The following SLFN12L variants were observed in gnomAD, a reference collection of about 807,000 sequenced individuals.
SLFN12L encodes the protein schlafen family member 12-like.
A neutral mutation model predicts 34.8 loss-of-function variants in SLFN12L; 34 were observed. That is an observed-to-expected ratio of 0.98 (90% CI 0.74 to 1.30). The LOEUF (loss-of-function observed/expected upper bound fraction) is 1.30, where lower values mean the gene tolerates loss of function less well. Among genes scored for constraint, SLFN12L ranks in the 50% most tolerant of loss-of-function variants. The pLI, the probability that SLFN12L is intolerant of heterozygous loss-of-function variation, is 0.00. For missense variants in SLFN12L, 703 were observed against 696.2 expected (o/e 1.01, Z -0.11); for synonymous variants, 259 against 247.5 (o/e 1.05, Z -0.44).
At position 35,479,705 on chromosome 17, in the gene SLFN12L, T is replaced by C; in HGVS notation, c.577A>G (p.Lys193Glu). ...AALEFLKDMEKTGGRAYLRPE... is the reference protein window; with the variant it reads ...AALEFLKDMEETGGRAYLRPE... ...CTTAAATATGCTCTCCCTCCAGTTTTTTCCATGTCTTTGAGGAACTCCAGT... is the reference window on the plus strand; with the variant it reads ...CTTAAATATGCTCTCCCTCCAGTTTCTTCCATGTCTTTGAGGAACTCCAGT... Residue 193 changes from lysine to glutamate, a missense_variant, in exon 3 of 5, where the codon AAA (lysine) becomes GAA (glutamate). Coordinates refer to ENST00000628453, the MANE Select transcript of SLFN12L (RefSeq NM_001363830.2). 1 of 1,614,074 alleles carries C rather than the reference T, an allele frequency of 6.2e-7. No individual in the cohort carries two copies. Among genetic ancestry groups the C allele is most frequent in the Non-Finnish European group, 8.5e-7 (1 of 1,179,958 alleles).
chr17:35,484,698 C>G (rs1162983289), intron 2 of SLFN12L, among the ~76,000 whole-genome samples: 1 of 152,204 alleles, frequency 6.6e-6, no homozygotes, highest in Non-Finnish European at 1.5e-5. Flanking sequence ...AAGTGCATTG[C>G]TCTCACTATC....
rs1226751965 is a variant in SLFN12L, at chr17:35,474,996, T to C, written c.1766A>G (p.Gln589Arg). ...AAACAAACAAACAAACAAAAAGATT[T>C]GATTCTCCTTAGGTAAGATATTTGA... is the stretch of plus-strand genomic sequence containing the variant. ...ALSNILPKEN[Q>R]IFLFVCLFRF... The change falls in exon 5 of 5, where the codon CAA becomes CGA. Residue 589 changes from glutamine to arginine, a missense_variant. Coordinates refer to ENST00000628453, the MANE Select transcript of SLFN12L (RefSeq NM_001363830.2). The C allele has an allele frequency of 1.9e-6, 3 of 1,569,630 alleles. No individual in the cohort carries two copies. Among genetic ancestry groups the C allele is most frequent in the South Asian group, 2.3e-5 (2 of 86,968 alleles).
chr17:35,529,793 T>G (rs2072373431), intron 1 of SLFN12L, among the ~76,000 whole-genome samples: 1 of 152,066 alleles, frequency 6.6e-6, no homozygotes, highest in African/African-American at 2.4e-5. Context: ...TGAATACCTA[T>G]GTAACAAACC....
intron 2 of SLFN12L, among the ~76,000 whole-genome samples, chr17:35,521,898 C>T (rs1248439032): frequency 6.6e-6 from 1 of 151,818 alleles, no homozygotes; most frequent in Non-Finnish European, 1.5e-5. Context: ...TGACCCGAGT[C>T]GGTTTTCTTT....
At chr17:35,476,999 A>T (rs537460754) in intron 4 of SLFN12L, among the ~76,000 whole-genome samples, 11 of 152,348 alleles carry the variant, frequency 7.2e-5, no homozygotes, top group African/African-American at 2.6e-4. Context: ...AATAACTGTT[A>T]CATCTTTTTT....
intron 2 of SLFN12L, among the ~76,000 whole-genome samples, chr17:35,515,768 T>C (rs891967329): frequency 2.7e-5 from 4 of 149,854 alleles, no homozygotes; most frequent in Admixed American, 6.7e-5. Context: ...CCCAGCCGCA[T>C]GAGTAACTGG....
In SLFN12L at chr17:35,530,413, GGAAGGA is replaced by G. The variant is rs2072383887; in HGVS notation, c.-606+7154_-606+7159del. ...AGGAAGGAAGGAAGGAAGGAAGGAA[GGAAGGA>G]AGGAAGGAAGGGAAGGGAAGGGAAG... On this transcript the variant is annotated intron_variant, in intron 1 of 4. Transcript: ENST00000628453. Among the ~76,000 whole-genome samples, 12 of 12,580 alleles carry G rather than the reference GGAAGGA, an allele frequency of 9.5e-4. 2 individuals carry two copies. The highest frequency in any genetic ancestry group is 1.4e-3 in the Non-Finnish European group (8 of 5,744). The allele number at this position is 12,580 out of a possible 152,430, so 8.3% of individuals were successfully genotyped here.
chr17:35,515,595 C>T lies in SLFN12L; in HGVS notation c.86+6684G>A, dbSNP rs115115306. ...GCCATCCTTTCGCCTCAGCCTTCTG[C>T]GTAGCTGGGATTGCAGGAGCGGCCA... On this transcript the variant is annotated intron_variant, in intron 2 of 4. Transcript: ENST00000628453. Among the ~76,000 whole-genome samples the T allele has an allele frequency of 8.4e-3, 1,237 of 148,010 alleles. 21 individuals carry two copies. The highest frequency in any genetic ancestry group is 0.029 in the African/African-American group (1,172 of 40,038).
At position 35,465,966 on chromosome 17, in the gene SLFN12L, C is replaced by A. The variant is rs1913714255; in HGVS notation, c.*8957G>T. Among the ~76,000 whole-genome samples the A allele has an allele frequency of 6.6e-6, 1 of 151,878 alleles. No individual in the cohort carries two copies. The highest frequency in any genetic ancestry group is 2.1e-4 in the South Asian group (1 of 4,796). On this transcript the variant is annotated 3_prime_UTR_variant, in exon 5 of 5. Transcript: ENST00000628453. ...CTTCACAATTTTGCCATCATGCACACATCTTACAGACAAGATCTTTTTTAA... is the reference window on the plus strand; with the variant it reads ...CTTCACAATTTTGCCATCATGCACAAATCTTACAGACAAGATCTTTTTTAA...
chr17:35,487,093 T>A (rs1208661883), intron 2 of SLFN12L, among the ~76,000 whole-genome samples: 1 of 152,088 alleles, frequency 6.6e-6, no homozygotes, highest in East Asian at 1.9e-4. Context: ...AATAACCCAT[T>A]CCCCAACTCC....
At chr17:35,476,782 C>A (rs1369216792) in intron 4 of SLFN12L, among the ~76,000 whole-genome samples, 1 of 108,096 alleles carries the variant, frequency 9.3e-6, no homozygotes, top group Admixed American at 8.6e-5. Flanking sequence ...GGTGTTCTGT[C>A]TGCCAAAAAA....
intron 2 of SLFN12L, among the ~76,000 whole-genome samples, chr17:35,487,567 T>C (rs1914638013): frequency 6.6e-6 from 1 of 152,318 alleles, no homozygotes; most frequent in South Asian, 2.1e-4. Context: ...GAAACAGGAT[T>C]CCTTGCAGGC....
intron 2 of SLFN12L, among the ~76,000 whole-genome samples, chr17:35,521,510 A>C (rs529918415): frequency 2.0e-5 from 3 of 152,318 alleles, no homozygotes; most frequent in African/African-American, 7.2e-5. Flanking sequence ...TCAGATCTTT[A>C]ATAGAGTAAG....
rs967002535 is a variant in SLFN12L at position 35,506,099 on chromosome 17, C to A, written c.86+16180G>T. 4.3e-4 allele frequency among the ~76,000 whole-genome samples: 66 copies of A among 152,244 alleles called. 1 individual carries two copies. The highest frequency in any genetic ancestry group is 2.8e-4 in the Non-Finnish European group (19 of 68,024). On this transcript the variant is annotated intron_variant, in intron 2 of 4. Transcript: ENST00000628453. ...GACCCATCTGAGCCTCCCATGACCA[C>A]AGTTTTAAAAATAAGATTAAGTACT...
At chr17:35,492,713 C>T (rs1187940212) in intron 2 of SLFN12L, among the ~76,000 whole-genome samples, 1 of 152,170 alleles carries the variant, frequency 6.6e-6, no homozygotes, top group African/African-American at 2.4e-5. Context: ...GCTGCAAATC[C>T]TACCAGTTAT....
intron 3 of SLFN12L, 51 bp from the exon 4 acceptor site, chr17:35,478,236 A>G: frequency 8.2e-7 from 1 of 1,225,508 alleles, no homozygotes; most frequent in Non-Finnish European, 1.2e-6. Context: ...TTGGCATGGG[A>G]GAGACTCAAG....
rs183001036 is a variant in SLFN12L at position 35,533,809 on chromosome 17, C to T, written c.-606+3764G>A. The stretch of plus-strand genomic sequence containing the variant: ...GAGTAATGGGAAGCTGGCCAGACAC[C>T]ATAGCTCACGCCTGTAATCCCAGCA... On this transcript the variant is annotated intron_variant, in intron 1 of 4. Coordinates refer to ENST00000628453, the MANE Select transcript of SLFN12L (RefSeq NM_001363830.2). Among the ~76,000 whole-genome samples the T allele has an allele frequency of 3.9e-3, 597 of 152,216 alleles. 5 individuals are homozygous for T. The highest frequency in any genetic ancestry group is 0.013 in the African/African-American group (548 of 41,530).
At chr17:35,527,521 A>C (rs193031883) in intron 1 of SLFN12L, among the ~76,000 whole-genome samples, 1,636 of 152,332 alleles carry the variant, frequency 0.011, 21 homozygotes, top group South Asian at 0.073. Flanking sequence ...AGTCAGCTTC[A>C]TCCCTGGGAT....
chr17:35,488,355 AG>A (rs1283882317), intron 2 of SLFN12L, among the ~76,000 whole-genome samples: 3 of 152,178 alleles, frequency 2.0e-5, no homozygotes, highest in African/African-American at 7.2e-5. Flanking sequence ...ACAGGGGAGG[AG>A]GGAGGTGCGA....
Sources: gnomAD v4.1 joint callset for allele counts (sites outside exome capture counted in the v4.1 genomes callset) on GRCh38, gnomAD v4.1.1 for gene constraint, MANE v1.5 for transcripts, NCBI Gene and HGNC (gene_info 2026-07-23, HGNC 2026-07-21) for gene names.